The following EHHADH variants were observed in gnomAD, a reference collection of about 807,000 sequenced individuals.
EHHADH encodes enoyl-CoA hydratase and 3-hydroxyacyl CoA dehydrogenase.
A neutral mutation model predicts 64.4 loss-of-function variants in EHHADH; 48 were observed. The observed-to-expected ratio is 0.75, with a 90% CI of 0.59 to 0.95. The LOEUF is 0.95. Ranked by LOEUF, EHHADH falls within the 40% of genes least tolerant of loss-of-function variation. EHHADH has a pLI of 0.00. For synonymous variants in EHHADH, 308 were observed against 326.7 expected (o/e 0.94, Z 0.62); for missense variants, 854 against 876.6 (o/e 0.97, Z 0.33).
At chr3:185,221,922 C>G (rs1371949815) in intron 4 of EHHADH, among the ~76,000 whole-genome samples, 1 of 152,032 alleles carries the variant, frequency 6.6e-6, no homozygotes, top group Non-Finnish European at 1.5e-5. Flanking sequence ...AATTTTATAT[C>G]ATGGTTTCTA....
At chr3:185,228,257 A>AAATATATATATATATATAT (rs1367786172) in intron 4 of EHHADH, among the ~76,000 whole-genome samples, 1 of 21,994 alleles carries the variant, frequency 4.5e-5, no homozygotes, top group African/African-American at 1.2e-4. Context: ...AAAAAAAAAA[A>AAATATATATATATATATAT]ATATATATAT....
At chr3:185,245,157 TTTC>T (rs1444994533) in intron 2 of EHHADH, among the ~76,000 whole-genome samples, 3 of 152,224 alleles carry the variant, frequency 2.0e-5, no homozygotes, top group Non-Finnish European at 2.9e-5. Context: ...TTTCATTATC[TTTC>T]TTTTTTCACT....
intron 1 of EHHADH, among the ~76,000 whole-genome samples, chr3:185,248,820 T>G (rs1719666956): frequency 6.6e-6 from 1 of 152,170 alleles, no homozygotes; most frequent in Non-Finnish European, 1.5e-5. Context: ...ACCAACCAAT[T>G]TAAAAATATT....
rs187565966 is a variant in EHHADH, at chr3:185,242,633, T to C, written c.178+5781A>G. 2.6e-3 allele frequency among the ~76,000 whole-genome samples: 401 copies of C among 152,226 alleles called. 1 individual carries two copies. The highest frequency in any genetic ancestry group is 3.7e-3 in the Non-Finnish European group (251 of 68,004). On this transcript the variant is annotated intron_variant, in intron 2 of 6. Transcript: ENST00000231887. ...AAGGATTATGGCTGCCTCTGCCGAG[T>C]CATGCAGGTTGTAAGGAAAGTGGGG...
At chr3:185,194,324 G>T (rs546602138) in intron 6 of EHHADH, among the ~76,000 whole-genome samples, 39 of 152,148 alleles carry the variant, frequency 2.6e-4, no homozygotes, top group African/African-American at 9.2e-4. Context: ...TTAAAAATTA[G>T]CCAGGGGGCC....
chr3:185,200,808 T>C (rs1489380677), intron 6 of EHHADH, among the ~76,000 whole-genome samples: 4 of 152,014 alleles, frequency 2.6e-5, no homozygotes, highest in Non-Finnish European at 5.9e-5. Context: ...ACTTGCAGGG[T>C]TACTAATCAG....
intron 6 of EHHADH, among the ~76,000 whole-genome samples, chr3:185,203,671 G>A (rs1388780801): frequency 1.3e-5 from 2 of 152,176 alleles, no homozygotes. Context: ...AGATGGATTT[G>A]AGGATAGTGG....
rs1719529611 is a variant in EHHADH at position 185,244,158 on chromosome 3, A to G, written c.178+4256T>C. ...TTAAAATCTGCTTTATCTGATGTAA[A>G]TATAGCTACTACTGCTCATTTTTGT... is the stretch of plus-strand genomic sequence containing the variant. On this transcript the variant is annotated intron_variant, in intron 2 of 6. Transcript: ENST00000231887. Among the ~76,000 whole-genome samples the G allele has an allele frequency of 1.3e-5, 2 of 152,160 alleles. 1 individual carries two copies. The highest frequency in any genetic ancestry group is 4.1e-4 in the South Asian group (2 of 4,826).
rs761832562 is a variant in EHHADH at position 185,229,446 on chromosome 3, T to C, written c.449A>G (p.Asp150Gly). The C allele has an allele frequency of 1.3e-6, 2 of 1,542,270 alleles. No individual in the cohort carries two copies. Among genetic ancestry groups the C allele is most frequent in the African/African-American group, 2.7e-5 (2 of 73,504 alleles). Residue 150 changes from aspartate (D) to glycine (G), a missense_variant, in exon 4 of 7, where the codon GAC (aspartate) becomes GGC (glycine). Physicochemically the swap from Asp to Gly is moderately conservative, Grantham distance 94 (BLOSUM62 -1). Coordinates refer to ENST00000231887, the MANE Select transcript of EHHADH (RefSeq NM_001966.4). ...PRLTGVPAAL[D>G]LITSGRRILA... ...TCTATACTGACCTGAGGTAATTAAG[T>C]CAAGTGCAGCAGGAACTCCAGTGAG...
At chr3:185,210,408 G>A (rs1718509435) in intron 5 of EHHADH, among the ~76,000 whole-genome samples, 1 of 152,094 alleles carries the variant, frequency 6.6e-6, no homozygotes, top group Admixed American at 6.5e-5. Flanking sequence ...GGCCGAGGCA[G>A]GTGGATCATG....
At chr3:185,248,989 T>C (rs1294702166) in intron 1 of EHHADH, among the ~76,000 whole-genome samples, 6 of 152,250 alleles carry the variant, frequency 3.9e-5, no homozygotes, top group African/African-American at 7.2e-5. Context: ...GTTTTTCATA[T>C]TGTTAAAATA....
intron 4 of EHHADH, among the ~76,000 whole-genome samples, chr3:185,221,634 G>A (rs968523726): frequency 6.7e-6 from 1 of 148,680 alleles, no homozygotes; most frequent in African/African-American, 2.5e-5. Context: ...GTGCAGTGGC[G>A]CAATCTCGGC....
chr3:185,210,331 C>A (rs1194206047), intron 5 of EHHADH, among the ~76,000 whole-genome samples: 2 of 152,066 alleles, frequency 1.3e-5, no homozygotes, highest in Non-Finnish European at 2.9e-5. Flanking sequence ...AGTAGCCATG[C>A]CCAGGCCTCA....
chr3:185,211,800 C>A (rs916659981), intron 5 of EHHADH, among the ~76,000 whole-genome samples: 40 of 152,152 alleles, frequency 2.6e-4, no homozygotes, highest in African/African-American at 8.9e-4. Flanking sequence ...AAATAAATTA[C>A]AAAGTGAAGA....
intron 4 of EHHADH, among the ~76,000 whole-genome samples, chr3:185,223,306 A>T (rs969841309): frequency 6.6e-6 from 1 of 152,126 alleles, no homozygotes; most frequent in Non-Finnish European, 1.5e-5. Context: ...AAAAGAAATT[A>T]TTTTGGCTAA....
intron 4 of EHHADH, among the ~76,000 whole-genome samples, chr3:185,227,295 G>A (rs1719002848): frequency 6.6e-6 from 1 of 152,230 alleles, no homozygotes; most frequent in African/African-American, 2.4e-5. Context: ...CACTTTGGGG[G>A]GCCAAGGCAG....
intron 2 of EHHADH, among the ~76,000 whole-genome samples, chr3:185,241,470 T>C (rs192078481): frequency 6.6e-6 from 1 of 152,334 alleles, no homozygotes; most frequent in East Asian, 1.9e-4. Flanking sequence ...TCTACTGTTT[T>C]TTGATTTTTT....
rs1255754629 is a variant in EHHADH at position 185,192,062 on chromosome 3, C to G, written c.*164G>C. 7.6e-6 allele frequency: 6 copies of G among 786,122 alleles called. No individual in the cohort carries two copies. The highest frequency in any genetic ancestry group is 1.7e-5 in the African/African-American group (1 of 57,228). The allele number at this position is 786,122 out of a possible 1,614,324, so 48.7% of individuals were successfully genotyped here. On this transcript the variant is annotated 3_prime_UTR_variant, in exon 7 of 7. Transcript: ENST00000231887. ...GATTCAGAGGCATAGGAAGCACATT[C>G]CTAAAGATTTGACCATTAGAGTCGT...
At chr3:185,222,430 GTTTC>G (rs1382526183) in intron 4 of EHHADH, among the ~76,000 whole-genome samples, 3 of 152,086 alleles carry the variant, frequency 2.0e-5, no homozygotes, top group African/African-American at 7.2e-5. Context: ...CTTTAAAAAT[GTTTC>G]TTTATTAGTT....
Sources: allele counts gnomAD v4.1 joint callset (sites outside exome capture counted in the v4.1 genomes callset), GRCh38; gene constraint gnomAD v4.1.1; transcripts MANE v1.5; gene names NCBI Gene and HGNC (gene_info 2026-07-23, HGNC 2026-07-21).